Variants in COL5A2 observed in about 807,000 individuals in gnomAD.
COL5A2 encodes collagen type V alpha 2 chain.
Under a neutral mutation model 208.2 loss-of-function variants are expected in COL5A2, and 23 were observed. The observed-to-expected ratio is 0.11, with a 90% CI of 0.08 to 0.16. The LOEUF is 0.16. Among genes scored for constraint, COL5A2 ranks in the 10% least tolerant of loss-of-function variants. The pLI is 1.00. For synonymous variants in COL5A2, 625 were observed against 628.5 expected, an observed-to-expected ratio of 0.99 and a Z score of 0.08; for missense variants, 1,590 against 1,956.4, an observed-to-expected ratio of 0.81 and a Z score of 3.53.
chr2:189,301,576 A>G, the COL5A2 span, among the ~76,000 whole-genome samples: 3 of 152,160 alleles, frequency 2.0e-5, no homozygotes, highest in African/African-American at 4.8e-5. Context: ...ATGGACTATC[A>G]TGTTATTAAA....
At chr2:189,422,003 C>A in the COL5A2 span, among the ~76,000 whole-genome samples, 2 of 152,136 alleles carry the variant, frequency 1.3e-5, no homozygotes, top group Non-Finnish European at 2.9e-5. Flanking sequence ...AGATGATCTG[C>A]CCAGAATCTC....
chr2:189,140,310 G>A (rs1229633024), intron 1 of COL5A2, among the ~76,000 whole-genome samples: 1 of 152,070 alleles, frequency 6.6e-6, no homozygotes, highest in African/African-American at 2.4e-5. Flanking sequence ...GAAAAAACAT[G>A]CCCAGGGCCT....
chr2:189,049,451 T>C lies in COL5A2; in HGVS notation c.3043A>G (p.Thr1015Ala). 1 of 1,610,482 alleles carries C rather than the reference T, an allele frequency of 6.2e-7. No homozygotes were observed. ...CCAGTTGGTCCTACTTTTCCTGGTGTTCCCTGAAATAGAAGTATAAATGTC... is the reference window on the plus strand; with the variant it reads ...CCAGTTGGTCCTACTTTTCCTGGTGCTCCCTGAAATAGAAGTATAAATGTC... The part of the protein sequence containing the change: ...GMPGLPGPAG[T>A]PGKVGPTGAT... The change falls in exon 44 of 54, where the codon ACA (threonine) becomes GCA (alanine). Residue 1015 changes from threonine (T) to alanine (A), a missense_variant. Coordinates refer to ENST00000374866, the MANE Select transcript of COL5A2 (RefSeq NM_000393.5).
chr2:189,117,665 AC>A, intron 1 of COL5A2, among the ~76,000 whole-genome samples: 1 of 152,064 alleles, frequency 6.6e-6, no homozygotes, highest in Non-Finnish European at 1.5e-5. Context: ...TGGTCACCTT[AC>A]CAAAAAAATT....
the COL5A2 span, among the ~76,000 whole-genome samples, chr2:189,259,837 C>T: frequency 6.6e-6 from 1 of 152,188 alleles, no homozygotes; most frequent in African/African-American, 2.4e-5. Flanking sequence ...GGAGAGAAGC[C>T]AACTAAGTTT....
At chr2:189,101,166 T>G (rs1687039183) in intron 3 of COL5A2, among the ~76,000 whole-genome samples, 1 of 152,076 alleles carries the variant, frequency 6.6e-6, no homozygotes, top group African/African-American at 2.4e-5. Flanking sequence ...TGGGCAATTG[T>G]GTAGGATGAA....
At chr2:189,099,651 A>T (rs1687009245) in intron 4 of COL5A2, among the ~76,000 whole-genome samples, 2 of 152,084 alleles carry the variant, frequency 1.3e-5, no homozygotes, top group African/African-American at 4.8e-5. Context: ...AAAATAATGA[A>T]ACCTGACAGA....
In COL5A2 at chr2:189,034,123, C is replaced by T; in HGVS notation, c.4447G>A (p.Gly1483Ser). 6.2e-7 allele frequency: 1 copy of T among 1,613,992 alleles called. No homozygotes were observed. ...ACGCCGAATTCCTGGTCTGTGCCGC[C>T]AACATCCACAGGAGCAAGATCTATG... ...PIIDLAPVDV[G>S]GTDQEFGVEI... The change falls in exon 54 of 54, where the codon GGC becomes AGC. Residue 1483 changes from glycine (G) to serine (S), a missense_variant. Gly to Ser is a moderately conservative substitution (Grantham distance 56, BLOSUM62 0). Coordinates refer to ENST00000374866, the MANE Select transcript of COL5A2 (RefSeq NM_000393.5).
the COL5A2 span, among the ~76,000 whole-genome samples, chr2:189,331,811 G>A: frequency 1.5e-4 from 23 of 152,144 alleles, no homozygotes; most frequent in South Asian, 6.2e-4. Flanking sequence ...TTAGCCGGGC[G>A]TGGTGACGGG....
intron 31 of COL5A2, among the ~76,000 whole-genome samples, chr2:189,059,518 T>A (rs1685974617): frequency 6.6e-6 from 1 of 150,550 alleles, no homozygotes; most frequent in Admixed American, 6.6e-5. Flanking sequence ...CTGTCCTCAC[T>A]GTGGCCTGAT....
intron 19 of COL5A2, 55 bp from the exon 20 acceptor site, chr2:189,068,325 A>C: frequency 7.2e-7 from 1 of 1,395,048 alleles, no homozygotes; most frequent in Non-Finnish European, 1.0e-6. Flanking sequence ...ATAGATACAA[A>C]TGTGCTAGTA....
At chr2:189,166,390 A>G (rs987312902) in intron 1 of COL5A2, among the ~76,000 whole-genome samples, 3 of 151,988 alleles carry the variant, frequency 2.0e-5, no homozygotes, top group African/African-American at 7.3e-5. Context: ...AGAACTACCT[A>G]TTCTGAAATT....
At position 189,039,350 on chromosome 2, in the gene COL5A2, G is replaced by T; in HGVS notation, c.3847C>A (p.Arg1283Ser). The change falls in exon 51 of 54, where the codon CGC (arginine) becomes AGC (serine). Residue 1283 changes from arginine to serine, a missense_variant. Arg to Ser is a moderately radical substitution (Grantham distance 110, BLOSUM62 -1). Coordinates refer to ENST00000374866, the MANE Select transcript of COL5A2 (RefSeq NM_000393.5). The part of the protein sequence containing the change: ...KSLSSQIETM[R>S]SPDGSKKHPA... ...TGCTTTTTCGAGCCATCGGGGCTGCGCATGGTTTCAATCTGACTACTGAGT... is the reference window on the plus strand; with the variant it reads ...TGCTTTTTCGAGCCATCGGGGCTGCTCATGGTTTCAATCTGACTACTGAGT... 6.2e-7 allele frequency: 1 copy of T among 1,614,072 alleles called. No individual in the cohort carries two copies. The highest frequency in any genetic ancestry group is 8.5e-7 in the Non-Finnish European group (1 of 1,180,022).
intron 17 of COL5A2, among the ~76,000 whole-genome samples, chr2:189,073,916 C>A (rs1428568009): frequency 1.3e-5 from 2 of 152,094 alleles, no homozygotes; most frequent in Admixed American, 6.6e-5. Flanking sequence ...AGCACTGTTA[C>A]AATTAAAATC....
the COL5A2 span, among the ~76,000 whole-genome samples, chr2:189,285,472 T>C: frequency 6.6e-6 from 1 of 152,162 alleles, no homozygotes; most frequent in Admixed American, 6.5e-5. Context: ...CCATCTGTAT[T>C]ATTTCATTGG....
At chr2:189,359,158 A>G in the COL5A2 span, among the ~76,000 whole-genome samples, 2 of 152,252 alleles carry the variant, frequency 1.3e-5, no homozygotes, top group South Asian at 4.1e-4. Flanking sequence ...GATCTTGGAG[A>G]AAAAGCTTTC....
chr2:189,112,999 C>T lies in COL5A2; in HGVS notation c.98-2550G>A, dbSNP rs773701840. On this transcript the variant is annotated intron_variant, in intron 1 of 53. Transcript: ENST00000374866. ...AGTTTTATGATTGAGAAGGAAATAT[C>T]CACTTACAAATGTTAAATGCTATTA... is the stretch of plus-strand genomic sequence containing the variant. 3.5e-4 allele frequency among the ~76,000 whole-genome samples: 53 copies of T among 152,242 alleles called. No homozygotes were observed. In the Middle Eastern group the frequency reaches 0.014, roughly 39 times the overall value.
chr2:189,399,458 C>T, the COL5A2 span, among the ~76,000 whole-genome samples: 1 of 151,988 alleles, frequency 6.6e-6, no homozygotes, highest in Admixed American at 6.6e-5. Flanking sequence ...ACCATGTTGG[C>T]CAGGCTGGTC....
intron 1 of COL5A2, among the ~76,000 whole-genome samples, chr2:189,112,052 G>A (rs530389080): frequency 4.1e-4 from 62 of 151,894 alleles, no homozygotes; most frequent in African/African-American, 1.4e-3. Context: ...TAGTGGAGAC[G>A]GGGTTTCGCC....
Sources: allele counts gnomAD v4.1 joint callset (sites outside exome capture counted in the v4.1 genomes callset), GRCh38; gene constraint gnomAD v4.1.1; transcripts MANE v1.5; gene names NCBI Gene and HGNC (gene_info 2026-07-23, HGNC 2026-07-21).